STK32B: variants seen among roughly 807,000 people sequenced by gnomAD.
STK32B encodes serine/threonine-protein kinase 32B.
In STK32B, 43 loss-of-function variants were observed where a neutral mutation model predicts 52.6. That is an observed-to-expected ratio of 0.82 (90% CI 0.64 to 1.05). STK32B has a LOEUF of 1.05. Among genes scored for constraint, STK32B ranks in the 50% least tolerant of loss-of-function variants. The pLI, the probability that STK32B is intolerant of heterozygous loss-of-function variation, is 0.00. For missense variants in STK32B, 621 were observed against 534.6 expected (o/e 1.16, Z -1.59); for synonymous variants, 238 against 204.3 (o/e 1.17, Z -1.41).
intron 3 of STK32B, among the ~76,000 whole-genome samples, chr4:5,247,522 G>C (rs1046791199): frequency 6.6e-6 from 1 of 152,144 alleles, no homozygotes; most frequent in Non-Finnish European, 1.5e-5. Context: ...TGCACTTCTC[G>C]GGTGAGGCGA....
At chr4:5,444,878 C>T (rs1715240583) in intron 6 of STK32B, among the ~76,000 whole-genome samples, 1 of 152,202 alleles carries the variant, frequency 6.6e-6, no homozygotes, top group Admixed American at 6.5e-5. Flanking sequence ...CTTCCTGTTT[C>T]CCAGGGCACA....
intron 3 of STK32B, among the ~76,000 whole-genome samples, chr4:5,240,857 T>C (rs1307555158): frequency 6.6e-6 from 1 of 152,212 alleles, no homozygotes; most frequent in Non-Finnish European, 1.5e-5. Context: ...ATTTGTCTTA[T>C]TTCCATATTT....
intron 6 of STK32B, among the ~76,000 whole-genome samples, chr4:5,443,338 G>A (rs1369089047): frequency 6.6e-6 from 1 of 151,186 alleles, no homozygotes; most frequent in African/African-American, 2.4e-5. Context: ...TTCCCTTCTC[G>A]CTTCATTTCA....
At chr4:5,224,751 CAAAT>C (rs1394865473) in intron 3 of STK32B, among the ~76,000 whole-genome samples, 4 of 151,980 alleles carry the variant, frequency 2.6e-5, no homozygotes, top group Admixed American at 6.5e-5. Context: ...ATATTAATGA[CAAAT>C]AATATATGGT....
rs568677591 is a variant in STK32B, at chr4:5,223,292, G to C, written c.260+54842G>C. Reference sequence around the variant, plus strand: ...GAGACTCAGGCAAAGATCTGCTGCAGGGGCAGAGCTGCTGCAGAGAGCCCC... The same window carrying C: ...GAGACTCAGGCAAAGATCTGCTGCACGGGCAGAGCTGCTGCAGAGAGCCCC... On this transcript the variant is annotated intron_variant, in intron 3 of 11. Coordinates refer to ENST00000282908, the MANE Select transcript of STK32B (RefSeq NM_018401.3). Among the ~76,000 whole-genome samples the C allele has an allele frequency of 1.4e-3, 210 of 152,292 alleles. 1 individual carries two copies. The highest frequency in any genetic ancestry group is 2.4e-3 in the Non-Finnish European group (161 of 68,012).
At chr4:5,117,063 TATATAAG>T (rs1714770527) in intron 1 of STK32B, among the ~76,000 whole-genome samples, 1 of 152,238 alleles carries the variant, frequency 6.6e-6, no homozygotes, top group African/African-American at 2.4e-5. Flanking sequence ...GAATTTTCTA[TATATAAG>T]ATATATGTCA....
At chr4:5,486,609 A>G (rs1469760936) in intron 11 of STK32B, among the ~76,000 whole-genome samples, 2 of 151,910 alleles carry the variant, frequency 1.3e-5, no homozygotes, top group Non-Finnish European at 2.9e-5. Flanking sequence ...ACTGTCCAAC[A>G]CTCCCCAGTG....
In STK32B at chr4:5,372,724, G is replaced by GGT. The variant is rs1560361718; in HGVS notation, c.435-25482_435-25481insTG. Among the ~76,000 whole-genome samples, 5 of 150,562 alleles carry GGT rather than the reference G, an allele frequency of 3.3e-5. 1 individual carries two copies. The highest frequency in any genetic ancestry group is 1.2e-4 in the African/African-American group (5 of 40,898). ...GTGGCCTCAGCAGGAGAAAGTTGGG[G>GGT]GGGGGGGCGGTTATTTCAGACTAAT... is the stretch of plus-strand genomic sequence containing the variant. On this transcript the variant is annotated intron_variant, in intron 4 of 11. Coordinates refer to ENST00000282908, the MANE Select transcript of STK32B (RefSeq NM_018401.3).
chr4:5,090,782 C>T (rs1278165357), intron 1 of STK32B, among the ~76,000 whole-genome samples: 2 of 152,132 alleles, frequency 1.3e-5, no homozygotes, highest in Non-Finnish European at 2.9e-5. Flanking sequence ...ATCCTTTCCC[C>T]ATTGCTTGTT....
chr4:5,367,137 C>T (rs566553100), intron 4 of STK32B, among the ~76,000 whole-genome samples: 1 of 152,212 alleles, frequency 6.6e-6, no homozygotes, highest in South Asian at 2.1e-4. Flanking sequence ...ATTCACATTT[C>T]CCCCTAGAAC....
intron 2 of STK32B, among the ~76,000 whole-genome samples, chr4:5,157,311 A>AACAAAC (rs1577117240): frequency 1.3e-5 from 2 of 151,302 alleles, no homozygotes; most frequent in Non-Finnish European, 2.9e-5. Context: ...AAAAAAAAAA[A>AACAAAC]AAAAAAAAAG....
intron 5 of STK32B, among the ~76,000 whole-genome samples, chr4:5,414,914 G>A (rs990947602): frequency 1.3e-5 from 2 of 152,136 alleles, no homozygotes; most frequent in African/African-American, 4.8e-5. Flanking sequence ...GGGAGAAGGC[G>A]CAAGAAAACC....
At chr4:5,375,076 C>T (rs371870460) in intron 4 of STK32B, among the ~76,000 whole-genome samples, 10 of 152,156 alleles carry the variant, frequency 6.6e-5, no homozygotes, top group African/African-American at 9.7e-5. Flanking sequence ...TCAATGTGAG[C>T]GCCTGTAAGT....
chr4:5,481,151 T>G (rs991361200), intron 11 of STK32B, among the ~76,000 whole-genome samples: 6 of 152,200 alleles, frequency 3.9e-5, no homozygotes, highest in Non-Finnish European at 8.8e-5. Context: ...CCCTGAGGAA[T>G]CGCGACACTG....
chr4:5,401,744 G>A (rs1425063536), intron 5 of STK32B, among the ~76,000 whole-genome samples: 1 of 152,194 alleles, frequency 6.6e-6, no homozygotes, highest in South Asian at 2.1e-4. Context: ...ATAGAGGGAG[G>A]GGGGAAGCAA....
At chr4:5,362,707 A>G (rs1280187823) in intron 4 of STK32B, among the ~76,000 whole-genome samples, 3 of 152,224 alleles carry the variant, frequency 2.0e-5, no homozygotes, top group East Asian at 3.9e-4. Context: ...GAAGAGATGC[A>G]TTTCTTCCAG....
intron 3 of STK32B, among the ~76,000 whole-genome samples, chr4:5,278,043 A>G (rs1450730779): frequency 6.6e-6 from 1 of 152,182 alleles, no homozygotes; most frequent in Non-Finnish European, 1.5e-5. Context: ...AAGAAGCCAC[A>G]CTTTGTTGTA....
chr4:5,152,891 T>G (rs920327605), intron 2 of STK32B, among the ~76,000 whole-genome samples: 1 of 152,262 alleles, frequency 6.6e-6, no homozygotes. Context: ...GGTGAGATCA[T>G]GTTGGGCTTC....
At chr4:5,468,176 A>C in intron 11 of STK32B, 106 bp downstream of exon 11, 4 of 1,155,416 alleles carry the variant, frequency 3.5e-6, no homozygotes, top group South Asian at 1.3e-5. Context: ...TTGACGACAA[A>C]AGGGAAGGTA....
Sources: allele counts gnomAD v4.1 joint callset (sites outside exome capture counted in the v4.1 genomes callset), GRCh38; gene constraint gnomAD v4.1.1; transcripts MANE v1.5; gene names NCBI Gene and HGNC (gene_info 2026-07-23, HGNC 2026-07-21).